Variants in MAP2K4 observed in about 807,000 individuals in gnomAD.
MAP2K4 encodes dual specificity mitogen-activated protein kinase kinase 4.
In MAP2K4, 4 loss-of-function variants were observed where a neutral mutation model predicts 48.5. The observed-to-expected ratio is 0.08, with a 90% CI of 0.04 to 0.19. MAP2K4 has a LOEUF of 0.19. Ranked by LOEUF, MAP2K4 falls within the 10% of genes least tolerant of loss-of-function variation. The probability of loss-of-function intolerance (pLI) is 1.00; values close to 1 mark genes in which losing one functional copy is unlikely to be tolerated. For synonymous variants in MAP2K4, 166 were observed against 173.1 expected, an observed-to-expected ratio of 0.96 and a Z score of 0.32; for missense variants, 258 against 493.3, an observed-to-expected ratio of 0.52 and a Z score of 4.52.
chr17:12,062,882 TC>T (rs1193655130), intron 2 of MAP2K4, among the ~76,000 whole-genome samples: 2 of 151,934 alleles, frequency 1.3e-5, no homozygotes, highest in Non-Finnish European at 1.5e-5. Context: ...TTTGCATTCT[TC>T]CCCCCCACCT....
In MAP2K4 at chr17:12,143,686, A is replaced by G. The variant is rs1053083628; in HGVS notation, c.*2426A>G. ...ATCGAAGTGTTTATGTAATAGTTCT[A>G]TCCTTTTGCCTGCAGGTCAGTTGTA... On this transcript the variant is annotated 3_prime_UTR_variant, in exon 11 of 11. Transcript: ENST00000353533. 2.2e-5 allele frequency: 5 copies of G among 230,626 alleles called. No individual in the cohort carries two copies. The highest frequency in any genetic ancestry group is 8.8e-5 in the African/African-American group (4 of 45,230). 14.3% of individuals were successfully genotyped at this position (230,626 alleles called of 1,614,324 possible). A position where few individuals can be genotyped will look rare whatever the true frequency, so the allele number is the denominator to read the frequency against.
At chr17:12,042,065 C>T (rs888072436) in intron 1 of MAP2K4, among the ~76,000 whole-genome samples, 4 of 149,294 alleles carry the variant, frequency 2.7e-5, no homozygotes, top group Non-Finnish European at 5.9e-5. Flanking sequence ...CCTATAATCC[C>T]AGCTACTTGG....
At chr17:12,075,570 G>A (rs1015423019) in intron 2 of MAP2K4, among the ~76,000 whole-genome samples, 6 of 152,172 alleles carry the variant, frequency 3.9e-5, no homozygotes, top group Admixed American at 2.6e-4. Flanking sequence ...AGGCTCAGGG[G>A]CGCTATCTCA....
intron 1 of MAP2K4, among the ~76,000 whole-genome samples, chr17:12,025,666 G>A (rs1257472373): frequency 2.6e-5 from 4 of 152,118 alleles, no homozygotes; most frequent in Non-Finnish European, 5.9e-5. Context: ...CCTTAGCTGA[G>A]CATTTTTATG....
At chr17:12,031,578 G>A (rs1010033553) in intron 1 of MAP2K4, among the ~76,000 whole-genome samples, 2 of 152,168 alleles carry the variant, frequency 1.3e-5, no homozygotes, top group Admixed American at 1.3e-4. Flanking sequence ...TCTGTATACA[G>A]TGTATACATA....
chr17:12,039,755 A>G (rs199658317), intron 1 of MAP2K4, among the ~76,000 whole-genome samples: 2 of 152,234 alleles, frequency 1.3e-5, no homozygotes, highest in East Asian at 3.8e-4. Flanking sequence ...GTATGTGCAC[A>G]CATTGTGTTT....
At chr17:12,104,263 A>G (rs932906711) in intron 4 of MAP2K4, among the ~76,000 whole-genome samples, 1 of 152,182 alleles carries the variant, frequency 6.6e-6, no homozygotes. Context: ...GGAAGAACTA[A>G]AAGGATTTTC....
intron 2 of MAP2K4, among the ~76,000 whole-genome samples, chr17:12,074,694 T>C (rs756701458): frequency 6.6e-6 from 1 of 152,170 alleles, no homozygotes. Context: ...AGCTGTCTCT[T>C]ATCCTGTACT....
At chr17:12,085,534 G>A (rs952027548) in intron 3 of MAP2K4, among the ~76,000 whole-genome samples, 1 of 152,008 alleles carries the variant, frequency 6.6e-6, no homozygotes, top group African/African-American at 2.4e-5. Flanking sequence ...TTCTGTTGGA[G>A]ATCTGCCTAA....
intron 7 of MAP2K4, among the ~76,000 whole-genome samples, chr17:12,123,289 G>A (rs541986190): frequency 6.6e-6 from 1 of 152,294 alleles, no homozygotes; most frequent in South Asian, 2.1e-4. Context: ...AAGTAACATA[G>A]TTTAAAGGTT....
At chr17:12,116,676 G>A (rs1181058271) in intron 7 of MAP2K4, among the ~76,000 whole-genome samples, 1 of 152,096 alleles carries the variant, frequency 6.6e-6, no homozygotes, top group Admixed American at 6.5e-5. Flanking sequence ...ATACATGGGC[G>A]CGATCAATCA....
chr17:12,062,867 C>T (rs969781497), intron 2 of MAP2K4, among the ~76,000 whole-genome samples: 3 of 151,822 alleles, frequency 2.0e-5, no homozygotes, highest in Non-Finnish European at 4.4e-5. Flanking sequence ...TGAAATCTTG[C>T]TGTGTTTGCA....
intron 4 of MAP2K4, among the ~76,000 whole-genome samples, chr17:12,096,806 TTTTG>T (rs1758949318): frequency 6.6e-6 from 1 of 152,132 alleles, no homozygotes; most frequent in African/African-American, 2.4e-5. Flanking sequence ...ATTCTGAAGT[TTTTG>T]TTTGTTTTTC....
intron 3 of MAP2K4, among the ~76,000 whole-genome samples, chr17:12,085,765 A>C (rs1467793749): frequency 6.6e-6 from 1 of 152,082 alleles, no homozygotes; most frequent in African/African-American, 2.4e-5. Context: ...TGACAGTATC[A>C]GCAGCCCACA....
intron 1 of MAP2K4, chr17:12,036,564 C>T (rs909937723): frequency 8.4e-4 from 128 of 152,296 alleles, no homozygotes; most frequent in African/African-American, 2.9e-3. Context: ...TCTTCCAAAA[C>T]CTCCTGATGT....
chr17:12,041,431 T>G (rs1488997377), intron 1 of MAP2K4, among the ~76,000 whole-genome samples: 2 of 152,184 alleles, frequency 1.3e-5, no homozygotes, highest in Non-Finnish European at 2.9e-5. Context: ...GATTATATAG[T>G]GAAATGCAGT....
rs539841309 is a variant in MAP2K4, at chr17:12,035,923, T to C, written c.115+14922T>C. ...TCTTTATATTGCTATGTCACTCTCT[T>C]TTAATCACTTTATTACAGTTGCCTG... On this transcript the variant is annotated intron_variant, in intron 1 of 10. Coordinates refer to ENST00000353533, the MANE Select transcript of MAP2K4 (RefSeq NM_003010.4). Among the ~76,000 whole-genome samples the C allele has an allele frequency of 1.1e-3, 166 of 152,314 alleles. 1 individual carries two copies. Among genetic ancestry groups the C allele is most frequent in the Non-Finnish European group, 1.8e-3 (121 of 68,002 alleles).
At chr17:12,079,490 C>G (rs1037605350) in intron 2 of MAP2K4, among the ~76,000 whole-genome samples, 1 of 152,154 alleles carries the variant, frequency 6.6e-6, no homozygotes, top group Non-Finnish European at 1.5e-5. Flanking sequence ...ACAGGTCCCA[C>G]TCACACCCAA....
chr17:12,121,150 C>A (rs1374442451), intron 7 of MAP2K4, among the ~76,000 whole-genome samples: 1 of 152,124 alleles, frequency 6.6e-6, no homozygotes, highest in Non-Finnish European at 1.5e-5. Flanking sequence ...TGTACACAAA[C>A]TTTGTTTCAT....
Sources: allele counts gnomAD v4.1 joint callset (sites outside exome capture counted in the v4.1 genomes callset), GRCh38; gene constraint gnomAD v4.1.1; transcripts MANE v1.5; gene names NCBI Gene and HGNC (gene_info 2026-07-23, HGNC 2026-07-21).